IGF1: variants seen among roughly 807,000 people sequenced by gnomAD.
The protein encoded by IGF1 is insulin like growth factor 1.
IGF1 carries 4 observed loss-of-function variants against 13.8 expected under a neutral mutation model. The ratio of observed to expected loss-of-function variants is 0.29; its 90% confidence interval spans 0.14 to 0.66. The LOEUF is 0.66. Ranked by LOEUF, IGF1 falls within the 30% of genes least tolerant of loss-of-function variation. The pLI, the probability that IGF1 is intolerant of heterozygous loss-of-function variation, is 0.78. For synonymous variants in IGF1, 76 were observed against 72.6 expected (o/e 1.05, Z -0.23); for missense variants, 124 against 188.5 (o/e 0.66, Z 2.00).
chr12:102,414,231 T>G (rs751274794), intron 3 of IGF1, among the ~76,000 whole-genome samples: 1 of 151,742 alleles, frequency 6.6e-6, no homozygotes, highest in African/African-American at 2.4e-5. Context: ...ACACACAATC[T>G]CAATAAACCC....
chr12:102,445,394 G>T (rs1378314016), intron 2 of IGF1, among the ~76,000 whole-genome samples: 1 of 152,108 alleles, frequency 6.6e-6, no homozygotes, highest in African/African-American at 2.4e-5. Flanking sequence ...CCATTTGTTT[G>T]TGTCCTCTCT....
chr12:102,455,814 G>A (rs1219308742), intron 2 of IGF1, among the ~76,000 whole-genome samples: 1 of 152,174 alleles, frequency 6.6e-6, no homozygotes, highest in Admixed American at 6.5e-5. Context: ...GCTTGGATGG[G>A]AAGTTGCCAT....
rs1873469933 is a variant in IGF1, at chr12:102,399,109, G to GTGTGTGTA, written c.*3397_*3398insTACACACA. The GTGTGTGTA allele has an allele frequency of 7.4e-6, 1 of 135,276 alleles. No homozygotes were observed. Among genetic ancestry groups the GTGTGTGTA allele is most frequent in the South Asian group, 2.2e-4 (1 of 4,472 alleles). 8.4% of individuals were successfully genotyped at this position (135,276 alleles called of 1,614,324 possible). Reference sequence around the variant, plus strand: ...ATTCCATTGGATCCTTAGGGTGAATGTGTGTGTGTGTGTGTGTGTGTGTGT... The same window carrying GTGTGTGTA: ...ATTCCATTGGATCCTTAGGGTGAATGTGTGTGTATGTGTGTGTGTGTGTGTGTGTGTGT... On this transcript the variant is annotated 3_prime_UTR_variant, in exon 4 of 4. Coordinates refer to ENST00000337514, the MANE Select transcript of IGF1 (RefSeq NM_000618.5).
chr12:102,460,463 C>A (rs540072963), intron 2 of IGF1, among the ~76,000 whole-genome samples: 1 of 152,330 alleles, frequency 6.6e-6, no homozygotes, highest in South Asian at 2.1e-4. Flanking sequence ...ACAAAGAAAC[C>A]TCTTTGAAGG....
chr12:102,454,698 G>A (rs1054742697), intron 2 of IGF1, among the ~76,000 whole-genome samples: 2 of 152,224 alleles, frequency 1.3e-5, no homozygotes, highest in African/African-American at 4.8e-5. Context: ...GTTATCCAAT[G>A]TGGATGTAAG....
intron 2 of IGF1, among the ~76,000 whole-genome samples, chr12:102,468,838 A>G (rs1174489608): frequency 6.6e-6 from 1 of 152,352 alleles, no homozygotes; most frequent in African/African-American, 2.4e-5. Context: ...ATCGAGAACA[A>G]TGAGACATCT....
intron 1 of IGF1, among the ~76,000 whole-genome samples, chr12:102,479,976 G>A (rs191040307): frequency 2.0e-5 from 3 of 149,754 alleles, no homozygotes; most frequent in Non-Finnish European, 3.0e-5. Context: ...ACCTGCAAAA[G>A]AAAAAAAAAA....
chr12:102,453,483 T>C (rs1471819855), intron 2 of IGF1, among the ~76,000 whole-genome samples: 1 of 152,180 alleles, frequency 6.6e-6, no homozygotes, highest in Non-Finnish European at 1.5e-5. Flanking sequence ...TCTGAGGACA[T>C]ACAGAGGAAT....
At chr12:102,470,646 AC>A (rs982239778) in intron 2 of IGF1, among the ~76,000 whole-genome samples, 2 of 152,124 alleles carry the variant, frequency 1.3e-5, no homozygotes, top group African/African-American at 4.8e-5. Flanking sequence ...TGTACCCCTA[AC>A]TTTGACCAGC....
At chr12:102,449,524 C>T (rs1480401873) in intron 2 of IGF1, among the ~76,000 whole-genome samples, 2 of 151,678 alleles carry the variant, frequency 1.3e-5, no homozygotes, top group African/African-American at 4.8e-5. Flanking sequence ...GCACGTTTCC[C>T]AGAACTTAAA....
intron 3 of IGF1, among the ~76,000 whole-genome samples, chr12:102,415,262 ATCCAT>A (rs1449591793): frequency 1.4e-3 from 53 of 37,794 alleles, no homozygotes; most frequent in Admixed American, 4.4e-3. Flanking sequence ...CCATTCATCC[ATCCAT>A]CCATCCATCC....
At position 102,402,452 on chromosome 12, in the gene IGF1, C is replaced by A. The variant is rs1001687302; in HGVS notation, c.*55G>T. ...TCCAAAGTTTAACAGGTAACTCGTG[C>A]AGAGCAAAGGATCCTGCGGTGGCAT... On this transcript the variant is annotated 3_prime_UTR_variant, in exon 4 of 4. Coordinates refer to ENST00000337514, the MANE Select transcript of IGF1 (RefSeq NM_000618.5). 2.6e-6 allele frequency: 2 copies of A among 780,328 alleles called. No individual in the cohort carries two copies. Among genetic ancestry groups the A allele is most frequent in the Non-Finnish European group, 4.8e-6 (2 of 417,654 alleles). 48.3% of individuals were successfully genotyped at this position (780,328 alleles called of 1,614,324 possible).
chr12:102,480,325 G>T lies in IGF1; in HGVS notation c.57C>A (p.Phe19Leu). The T allele has an allele frequency of 1.2e-6, 2 of 1,613,172 alleles. No individual in the cohort carries two copies. The highest frequency in any genetic ancestry group is 1.7e-6 in the Non-Finnish European group (2 of 1,179,418). ...AAGAGTAAGAAATATTTACCTTCAA[G>T]AAATCACAAAAGCAGCACTTAAATA... ...TQLFKCCFCD[F>L]LKVKMHTMSS... Residue 19 changes from phenylalanine (F) to leucine (L), a missense_variant, in exon 1 of 4, where the codon TTC becomes TTA. Physicochemically the swap from Phe to Leu is conservative, Grantham distance 22 (BLOSUM62 0). This residue lies in a region of IGF1 where 99 missense variants were observed against 171.4 expected (regional missense o/e 0.58). Transcript: ENST00000337514.
In IGF1 at chr12:102,398,116, CAA is replaced by C. The variant is rs1461451166; in HGVS notation, c.*4389_*4390del. On this transcript the variant is annotated 3_prime_UTR_variant, in exon 4 of 4. Coordinates refer to ENST00000337514, the MANE Select transcript of IGF1 (RefSeq NM_000618.5). ...AAAAAAAAAAAACAAAAACAAGAAACAAAAAATCTTCACAGATTGTTAGCCAT... is the reference window on the plus strand; with the variant it reads ...AAAAAAAAAAAACAAAAACAAGAAACAAAATCTTCACAGATTGTTAGCCAT... The C allele has an allele frequency of 7.4e-6, 1 of 135,764 alleles. No individual in the cohort carries two copies. Among genetic ancestry groups the C allele is most frequent in the African/African-American group, 2.7e-5 (1 of 37,564 alleles). 8.4% of individuals were successfully genotyped at this position (135,764 alleles called of 1,614,324 possible). A position where few individuals can be genotyped will look rare whatever the true frequency, so the allele number is the denominator to read the frequency against.
At chr12:102,455,945 T>C (rs973514571) in intron 2 of IGF1, among the ~76,000 whole-genome samples, 3 of 152,208 alleles carry the variant, frequency 2.0e-5, no homozygotes, top group Non-Finnish European at 2.9e-5. Context: ...TGAAAAAATA[T>C]GGCTCCATAT....
intron 3 of IGF1, among the ~76,000 whole-genome samples, chr12:102,412,736 T>G (rs776643347): frequency 1.5e-4 from 23 of 152,212 alleles, no homozygotes; most frequent in Non-Finnish European, 2.9e-4. Flanking sequence ...TCTTAGGGGC[T>G]CTCTGGAAGA....
At chr12:102,450,704 C>CATTTTCTCA (rs1171794287) in intron 2 of IGF1, among the ~76,000 whole-genome samples, 1 of 152,234 alleles carries the variant, frequency 6.6e-6, no homozygotes, top group Non-Finnish European at 1.5e-5. Context: ...CATTTAATTT[C>CATTTTCTCA]ATTTTCTCAA....
chr12:102,441,072 C>A (rs906054254), intron 2 of IGF1, among the ~76,000 whole-genome samples: 19 of 152,314 alleles, frequency 1.2e-4, no homozygotes, highest in African/African-American at 4.6e-4. Flanking sequence ...CAAGCCTCTT[C>A]TTCTATGCAG....
chr12:102,417,876 T>A (rs755731510), intron 3 of IGF1: 2 of 1,614,042 alleles, frequency 1.2e-6, no homozygotes, highest in South Asian at 1.1e-5. Flanking sequence ...CCTCCTCTGC[T>A]CTTTCTTCTT....
Sources: gnomAD v4.1 joint callset for allele counts (sites outside exome capture counted in the v4.1 genomes callset) on GRCh38, gnomAD v4.1.1 for gene constraint, gnomAD v4.1.1 regional missense constraint, MANE v1.5 for transcripts, NCBI Gene and HGNC (gene_info 2026-07-23, HGNC 2026-07-21) for gene names.